SAMSN1: variants seen among roughly 807,000 people sequenced by gnomAD.
The protein encoded by SAMSN1 is SAM domain-containing protein SAMSN-1.
In SAMSN1, 31 loss-of-function variants were observed where a neutral mutation model predicts 42.0. That is an observed-to-expected ratio of 0.74 (90% CI 0.55 to 1.00). The LOEUF (loss-of-function observed/expected upper bound fraction) is 1.00. Among genes scored for constraint, SAMSN1 ranks in the 50% least tolerant of loss-of-function variants. SAMSN1 has a pLI of 0.00. For missense variants in SAMSN1, 464 were observed against 439.4 expected, an observed-to-expected ratio of 1.06 and a Z score of -0.50; for synonymous variants, 178 against 151.9, an observed-to-expected ratio of 1.17 and a Z score of -1.26.
intron 5 of SAMSN1, among the ~76,000 whole-genome samples, chr21:14,503,757 G>A (rs1172803840): frequency 6.6e-6 from 1 of 152,136 alleles, no homozygotes; most frequent in Non-Finnish European, 1.5e-5. Flanking sequence ...GTGTGTGGAT[G>A]CTCACATGAT....
At chr21:14,577,349 A>G (rs1981540657) in intron 2 of SAMSN1, among the ~76,000 whole-genome samples, 1 of 137,178 alleles carries the variant, frequency 7.3e-6, no homozygotes, top group Non-Finnish European at 1.6e-5. Flanking sequence ...TCCTGACCTC[A>G]TGATCCGCCT....
At chr21:14,533,280 A>C (rs1979385075) in intron 1 of SAMSN1, among the ~76,000 whole-genome samples, 1 of 152,152 alleles carries the variant, frequency 6.6e-6, no homozygotes, top group Non-Finnish European at 1.5e-5. Context: ...CAGGGGAAAA[A>C]AAACCCCAGA....
intron 4 of SAMSN1, chr21:14,612,683 A>G: frequency 3.1e-6 from 2 of 646,692 alleles, no homozygotes; most frequent in Non-Finnish European, 5.9e-6. Context: ...CAAATAAATC[A>G]ATGATTTCTT....
intron 2 of SAMSN1, among the ~76,000 whole-genome samples, chr21:14,568,467 G>A (rs1442472130): frequency 6.6e-6 from 1 of 152,128 alleles, no homozygotes; most frequent in African/African-American, 2.4e-5. Flanking sequence ...GCCATATAAG[G>A]TACTAAGTTC....
intron 2 of SAMSN1, among the ~76,000 whole-genome samples, chr21:14,632,970 C>G (rs1218630827): frequency 6.6e-6 from 1 of 152,208 alleles, no homozygotes. Flanking sequence ...CAGAGGCAGT[C>G]TGCTAGCCCG....
chr21:14,543,934 C>T (rs186206543), intron 1 of SAMSN1, among the ~76,000 whole-genome samples: 3 of 152,270 alleles, frequency 2.0e-5, no homozygotes, highest in Admixed American at 2.0e-4. Flanking sequence ...CTTGATGGTT[C>T]TGTTTCTAAA....
At chr21:14,607,115 C>T (rs75058749) in intron 5 of SAMSN1, among the ~76,000 whole-genome samples, 3,991 of 152,014 alleles carry the variant, frequency 0.026, 105 homozygotes, top group South Asian at 0.081. Flanking sequence ...TTATTGAAGC[C>T]ATCTTTACAA....
intron 7 of SAMSN1, chr21:14,591,502 C>T (rs1213256611): frequency 6.6e-6 from 1 of 152,172 alleles, no homozygotes; most frequent in Non-Finnish European, 1.5e-5. Flanking sequence ...CTGTTTTACA[C>T]ATATCACTTC....
At chr21:14,628,370 T>C (rs2123357158) in intron 2 of SAMSN1, among the ~76,000 whole-genome samples, 1 of 152,206 alleles carries the variant, frequency 6.6e-6, no homozygotes, top group Non-Finnish European at 1.5e-5. Context: ...TATATTGAAA[T>C]ACCACTGTAT....
At chr21:14,653,825 A>C (rs1400345724) in intron 1 of SAMSN1, among the ~76,000 whole-genome samples, 1 of 137,688 alleles carries the variant, frequency 7.3e-6, no homozygotes, top group Admixed American at 7.5e-5. Flanking sequence ...ATGAAAAAGC[A>C]TCAAGGGCAA....
chr21:14,528,633 C>T (rs551111112), intron 1 of SAMSN1, among the ~76,000 whole-genome samples: 4 of 152,164 alleles, frequency 2.6e-5, no homozygotes, highest in African/African-American at 9.7e-5. Flanking sequence ...TGCACATTCT[C>T]CCAGCCTGTA....
chr21:14,544,050 C>A (rs1471337590), intron 1 of SAMSN1, among the ~76,000 whole-genome samples: 1 of 152,096 alleles, frequency 6.6e-6, no homozygotes, highest in Non-Finnish European at 1.5e-5. Context: ...TCCACCTCTG[C>A]CAATTTTTTT....
intron 1 of SAMSN1, among the ~76,000 whole-genome samples, chr21:14,521,865 T>C (rs996372771): frequency 4.7e-5 from 7 of 148,562 alleles, no homozygotes; most frequent in Admixed American, 1.3e-4. Context: ...CCCCGAAAAT[T>C]AAAATAAAAA....
intron 2 of SAMSN1, among the ~76,000 whole-genome samples, chr21:14,635,232 C>A (rs914616032): frequency 6.6e-6 from 1 of 151,938 alleles, no homozygotes; most frequent in Non-Finnish European, 1.5e-5. Flanking sequence ...CTAATGTATG[C>A]GGGGCTTAAA....
chr21:14,544,423 G>C (rs1484429662), intron 1 of SAMSN1, among the ~76,000 whole-genome samples: 1 of 152,114 alleles, frequency 6.6e-6, no homozygotes, highest in Non-Finnish European at 1.5e-5. Context: ...ATGAGGAAAG[G>C]AGTTATTTTA....
chr21:14,538,011 C>G (rs779728163), intron 1 of SAMSN1, among the ~76,000 whole-genome samples: 1 of 152,098 alleles, frequency 6.6e-6, no homozygotes, highest in Non-Finnish European at 1.5e-5. Flanking sequence ...CCTGACTTGT[C>G]TTATTTGGTT....
chr21:14,510,605 T>C (rs1600876468), intron 4 of SAMSN1, 144 bp from the exon 5 acceptor site: 2 of 910,454 alleles, frequency 2.2e-6, no homozygotes, highest in South Asian at 3.2e-5. Context: ...CTGGTGTCTG[T>C]CTTCCAGTTA....
intron 2 of SAMSN1, among the ~76,000 whole-genome samples, chr21:14,623,771 C>T (rs948237325): frequency 5.3e-5 from 8 of 152,068 alleles, no homozygotes; most frequent in Admixed American, 1.3e-4. Flanking sequence ...CTGCACCAAG[C>T]GGGCCTAATA....
chr21:14,618,171 A>G (rs1207713820), intron 2 of SAMSN1, among the ~76,000 whole-genome samples: 1 of 152,220 alleles, frequency 6.6e-6, no homozygotes. Flanking sequence ...CTCATGATGA[A>G]TCAGTTTAGG....
Sources: allele counts gnomAD v4.1 joint callset (sites outside exome capture counted in the v4.1 genomes callset), GRCh38; gene constraint gnomAD v4.1.1; transcripts MANE v1.5; gene names NCBI Gene and HGNC (gene_info 2026-07-23, HGNC 2026-07-21).